The following DNAH5 variants were observed in gnomAD, a reference collection of about 807,000 sequenced individuals.
The protein encoded by DNAH5 is dynein axonemal heavy chain 5.
In DNAH5, 372 loss-of-function variants were observed where a neutral mutation model predicts 518.2. The observed-to-expected ratio is 0.72, with a 90% CI of 0.66 to 0.78. DNAH5 has a LOEUF of 0.78. Among genes scored for constraint, DNAH5 ranks in the 30% least tolerant of loss-of-function variants. DNAH5 has a pLI of 0.00. For missense variants in DNAH5, 5,523 were observed against 5,687.0 expected (o/e 0.97, Z 0.93); for synonymous variants, 2,039 against 2,025.9 (o/e 1.01, Z -0.17).
chr5:13,800,119 T>C (rs1398715947), intron 47 of DNAH5, among the ~76,000 whole-genome samples: 1 of 152,156 alleles, frequency 6.6e-6, no homozygotes, highest in Non-Finnish European at 1.5e-5. Context: ...AAACTGTGTG[T>C]TGTGCACCTG....
chr5:13,775,385 T>C (rs1050512135), intron 55 of DNAH5, among the ~76,000 whole-genome samples: 1 of 152,114 alleles, frequency 6.6e-6, no homozygotes, highest in African/African-American at 2.4e-5. Context: ...AGGTAATTGA[T>C]AGATAATCAA....
At chr5:13,899,950 T>C (rs897990046) in intron 15 of DNAH5, 3 of 494,026 alleles carry the variant, frequency 6.1e-6, no homozygotes, top group Non-Finnish European at 3.6e-6. Flanking sequence ...AGATCGTGCC[T>C]TTTTCAGTGG....
At chr5:13,882,191 C>T (rs577704172) in intron 21 of DNAH5, among the ~76,000 whole-genome samples, 1 of 151,988 alleles carries the variant, frequency 6.6e-6, no homozygotes, top group South Asian at 2.1e-4. Flanking sequence ...CAAAAAAAGC[C>T]TACCACCAGA....
intron 40 of DNAH5, 110 bp from the exon 41 acceptor site, chr5:13,820,609 G>A (rs1406613498): frequency 7.8e-7 from 1 of 1,287,026 alleles, no homozygotes; most frequent in Admixed American, 1.7e-5. Context: ...CAGATCACAA[G>A]GTCAGGAGTT....
At chr5:13,864,319 T>C (rs1022406079) in intron 28 of DNAH5, 78 bp downstream of exon 28, 2 of 1,577,300 alleles carry the variant, frequency 1.3e-6, no homozygotes, top group Admixed American at 1.7e-5. Context: ...AGTTTACTGA[T>C]CCAATATTCC....
chr5:13,850,878 A>T, intron 30 of DNAH5, 63 bp from the exon 31 acceptor site: 1 of 1,531,580 alleles, frequency 6.5e-7, no homozygotes, highest in Non-Finnish European at 9.0e-7. Context: ...CAAAGACAGT[A>T]TCTCACATTC....
In DNAH5 at chr5:13,716,555, A is replaced by T. The variant is rs2126503715; in HGVS notation, c.12841T>A (p.Phe4281Ile). ...ATATTGTATCCTTGGTAAAAACTGA[A>T]ATCTGGTCCAAACATATTTTCACTG... Reference protein sequence around the residue: ...WFSENMFGPDFSFYQGYNIPK... With the variant: ...WFSENMFGPDISFYQGYNIPK... The change falls in exon 74 of 79, where the codon TTC becomes ATC. Residue 4281 changes from phenylalanine (F) to isoleucine (I), a missense_variant. This residue lies in a region of DNAH5 where 387 missense variants were observed against 430.0 expected (regional missense o/e 0.90). Transcript: ENST00000265104. The T allele has an allele frequency of 6.2e-7, 1 of 1,613,964 alleles. No individual in the cohort carries two copies. The highest frequency in any genetic ancestry group is 1.1e-5 in the South Asian group (1 of 91,074).
chr5:13,740,432 C>A (rs1236104009), intron 65 of DNAH5, among the ~76,000 whole-genome samples: 1 of 152,120 alleles, frequency 6.6e-6, no homozygotes, highest in Non-Finnish European at 1.5e-5. Flanking sequence ...TACCAAGCTG[C>A]CCCCTCCTTC....
intron 58 of DNAH5, among the ~76,000 whole-genome samples, chr5:13,766,775 C>T (rs1460303177): frequency 6.6e-6 from 1 of 152,158 alleles, no homozygotes; most frequent in Non-Finnish European, 1.5e-5. Flanking sequence ...TATGTATACA[C>T]TTATAGAGTA....
At chr5:13,699,053 C>G (rs7712476) in intron 78 of DNAH5, among the ~76,000 whole-genome samples, 73,680 of 151,900 alleles carry the variant, frequency 0.49, 18,423 homozygotes, top group Non-Finnish European at 0.54. Flanking sequence ...TTTCTCAGTG[C>G]TGCAACCCCA....
rs181423350 is a variant in DNAH5 at position 13,924,216 on chromosome 5, C to T, written c.278-776G>A. ...ATACCTGGTTATATTTCAAATACTG[C>T]TGCAGTCAGGGTCTTGTAGAGGTAG... On this transcript the variant is annotated intron_variant, in intron 3 of 78. Coordinates refer to ENST00000265104, the MANE Select transcript of DNAH5 (RefSeq NM_001369.3). Among the ~76,000 whole-genome samples, 503 of 152,262 alleles carry T rather than the reference C, an allele frequency of 3.3e-3. 3 individuals carry two copies. The highest frequency in any genetic ancestry group is 0.012 in the African/African-American group (481 of 41,546).
At position 13,916,331 on chromosome 5, in the gene DNAH5, C is replaced by G. The variant is rs1776639307; in HGVS notation, c.1197+17G>C. 1 of 1,309,696 alleles carries G rather than the reference C, an allele frequency of 7.6e-7. No homozygotes were observed. The highest frequency in any genetic ancestry group is 2.4e-5 in the East Asian group (1 of 42,504). The allele number at this position is 1,309,696 out of a possible 1,614,324, so 81.1% of individuals were successfully genotyped here. On this transcript the variant is annotated intron_variant, in intron 9 of 78. Coordinates refer to ENST00000265104, the MANE Select transcript of DNAH5 (RefSeq NM_001369.3). ...AAAGAAATACAAATGAACATGGACT[C>G]TACATCATGCACTTACCTTTACAAA...
Position 13,916,370 on chromosome 5 carries a change from T to C in DNAH5, c.1175A>G (p.Lys392Arg). 1.3e-6 allele frequency: 2 copies of C among 1,504,204 alleles called. No individual in the cohort carries two copies. Among genetic ancestry groups the C allele is most frequent in the South Asian group, 1.1e-5 (1 of 88,640 alleles). 93.2% of individuals were successfully genotyped at this position (1,504,204 alleles called of 1,614,324 possible). Residue 392 changes from lysine to arginine, a missense_variant, in exon 9 of 79, where the codon AAG becomes AGG. Lys to Arg is a conservative substitution (Grantham distance 26). This residue lies in a region of DNAH5 where 5,121 missense variants were observed against 5,223.3 expected (regional missense o/e 0.98). Coordinates refer to ENST00000265104, the MANE Select transcript of DNAH5 (RefSeq NM_001369.3). ...SISHYYNTSE[K>R]ITSLFVKVTN... ...TACCTTTACAAACAGAGATGTGATC[T>C]TCTCAGAGGTATTATAGTAATGAGA... is the stretch of plus-strand genomic sequence containing the variant.
intron 30 of DNAH5, among the ~76,000 whole-genome samples, chr5:13,855,042 T>C (rs1377316485): frequency 3.9e-5 from 6 of 152,182 alleles, no homozygotes; most frequent in Admixed American, 6.5e-5. Flanking sequence ...AATGATTCAC[T>C]AGTAATTTAA....
In DNAH5 at chr5:13,976,687, G is replaced by GTATATA. The variant is rs1231927910; in HGVS notation, c.12+34960_12+34961insTATATA. 5.4e-3 allele frequency among the ~76,000 whole-genome samples: 657 copies of GTATATA among 121,294 alleles called. 12 individuals carry two copies. The highest frequency in any genetic ancestry group is 0.018 in the African/African-American group (628 of 34,082). 79.6% of individuals were successfully genotyped at this position (121,294 alleles called of 152,430 possible). On this transcript the variant is annotated intron_variant, in intron 1 of 78. Transcript: ENST00000681290. ...GTATAGAAAAAAACAATGTGTGTGT[G>GTATATA]TGTATATATATATATATATATATAC...
chr5:13,770,952 A>G lies in DNAH5; in HGVS notation c.9402T>C (p.Asp3134=). 1 of 1,613,956 alleles carries G rather than the reference A, an allele frequency of 6.2e-7. No individual in the cohort carries two copies. Among genetic ancestry groups the G allele is most frequent in the Non-Finnish European group, 8.5e-7 (1 of 1,179,866 alleles). Residue 3134 remains aspartate, a synonymous_variant, in exon 56 of 79, where the codon GAT becomes GAC. Coordinates refer to ENST00000265104, the MANE Select transcript of DNAH5 (RefSeq NM_001369.3). ...TCTTGATTTCCAAACTGCAGTCAAT[A>G]TCATAGGAAGTGAGGAAGTGTTCAG... ...AVSEHFLTSY[D]IDCSLEIKKE...
chr5:13,815,487 A>G (rs1761335155), intron 42 of DNAH5, among the ~76,000 whole-genome samples: 1 of 152,232 alleles, frequency 6.6e-6, no homozygotes, highest in Admixed American at 6.5e-5. Context: ...AACATGGGGT[A>G]CAGCAAGAAA....
chr5:13,761,169 G>C (rs1561194090), intron 60 of DNAH5, among the ~76,000 whole-genome samples: 1 of 152,172 alleles, frequency 6.6e-6, no homozygotes, highest in South Asian at 2.1e-4. Context: ...TGAATACAGG[G>C]GAAGAGATCT....
intron 28 of DNAH5, among the ~76,000 whole-genome samples, chr5:13,863,235 C>T (rs1768747481): frequency 6.6e-6 from 1 of 152,158 alleles, no homozygotes; most frequent in South Asian, 2.1e-4. Context: ...TTCCTTTACC[C>T]TCATTTCTTC....
Sources: allele counts gnomAD v4.1 joint callset (sites outside exome capture counted in the v4.1 genomes callset), GRCh38; gene constraint gnomAD v4.1.1; regional missense constraint gnomAD v4.1.1; transcripts MANE v1.5; gene names NCBI Gene and HGNC (gene_info 2026-07-23, HGNC 2026-07-21).